The following HS6ST2 variants were observed in gnomAD, a reference collection of about 807,000 sequenced individuals.
The protein encoded by HS6ST2 is heparan-sulfate 6-O-sulfotransferase 2.
In HS6ST2, 17 loss-of-function variants were observed where a neutral mutation model predicts 33.0. The observed-to-expected ratio is 0.52, with a 90% CI of 0.35 to 0.77. The LOEUF is 0.77. Ranked by LOEUF, HS6ST2 falls within the 30% of genes least tolerant of loss-of-function variation. The pLI is 0.01. For missense variants in HS6ST2, 519 were observed against 551.7 expected, an observed-to-expected ratio of 0.94 and a Z score of 0.59; for synonymous variants, 248 against 237.1, an observed-to-expected ratio of 1.05 and a Z score of -0.42.
At chrX:132,944,512 T>C (rs1449778158) in intron 2 of HS6ST2, among the ~76,000 whole-genome samples, 1 of 111,779 alleles carries the variant, frequency 8.9e-6, no homozygotes, top group Non-Finnish European at 1.9e-5. Context: ...ACTTTAAAGT[T>C]CATATGGAAC....
chrX:132,680,900 T>G lies in HS6ST2; in HGVS notation c.981-11701A>C, dbSNP rs191393196. ...TGTATTCCCAGCTACTTGGGAAGGC[T>G]GAGGCAGGATAATCACTTAAACCTG... On this transcript the variant is annotated intron_variant, in intron 3 of 4. Transcript: ENST00000370833. Among the ~76,000 whole-genome samples, 8 of 110,144 alleles carry G rather than the reference T, an allele frequency of 7.3e-5. No homozygotes were observed. The Admixed American group carries it at 7.8e-4, about 11-fold the overall frequency.
intron 2 of HS6ST2, among the ~76,000 whole-genome samples, chrX:132,834,425 G>A (rs760923658): frequency 9.0e-6 from 1 of 111,401 alleles, no homozygotes; most frequent in African/African-American, 3.3e-5. Flanking sequence ...TTGTTATTCC[G>A]CGGCTTAAAG....
At chrX:132,912,998 T>C (rs981052376) in intron 2 of HS6ST2, among the ~76,000 whole-genome samples, 1 of 111,129 alleles carries the variant, frequency 9.0e-6, no homozygotes, top group African/African-American at 3.3e-5. Flanking sequence ...TTAGCCTTTT[T>C]TGAATACTCA....
chrX:132,726,735 A>T (rs2064395613), intron 2 of HS6ST2, among the ~76,000 whole-genome samples: 2 of 111,704 alleles, frequency 1.8e-5, no homozygotes, highest in Admixed American at 1.9e-4. Context: ...TATTCTGGAC[A>T]TTTCAAATAA....
intron 3 of HS6ST2, among the ~76,000 whole-genome samples, chrX:132,676,150 C>T (rs1484868925): frequency 8.9e-6 from 1 of 112,216 alleles, no homozygotes; most frequent in Non-Finnish European, 1.9e-5. Flanking sequence ...TTCTGCCAGT[C>T]GTACTTCTTA....
chrX:132,769,311 G>A (rs1312206768), intron 2 of HS6ST2, among the ~76,000 whole-genome samples: 1 of 112,204 alleles, frequency 8.9e-6, no homozygotes, highest in Non-Finnish European at 1.9e-5. Flanking sequence ...TTCTGCAAAG[G>A]TTTTATTTCA....
At chrX:132,731,623 G>A (rs923607578) in intron 2 of HS6ST2, among the ~76,000 whole-genome samples, 2 of 111,606 alleles carry the variant, frequency 1.8e-5, no homozygotes, top group East Asian at 2.8e-4. Context: ...CAAGGTGGGC[G>A]GATCACGAGG....
intron 4 of HS6ST2, among the ~76,000 whole-genome samples, chrX:132,660,576 A>G (rs780777668): frequency 9.0e-6 from 1 of 111,477 alleles, no homozygotes; most frequent in South Asian, 3.9e-4. Flanking sequence ...CCTCCCCATG[A>G]ATAGGATCTA....
intron 2 of HS6ST2, among the ~76,000 whole-genome samples, chrX:132,889,563 T>C (rs1158400019): frequency 1.8e-5 from 2 of 111,396 alleles, no homozygotes; most frequent in Non-Finnish European, 3.8e-5. Flanking sequence ...ATGAATGTAG[T>C]CAGAGGTTGA....
chrX:132,778,566 A>ATT (rs750381549), intron 2 of HS6ST2, among the ~76,000 whole-genome samples: 4,576 of 102,246 alleles, frequency 0.045, 193 homozygotes, highest in African/African-American at 0.13. Context: ...CACCCAGCTA[A>ATT]TTTTTTTTTT....
intron 2 of HS6ST2, among the ~76,000 whole-genome samples, chrX:132,911,738 C>T (rs1000839531): frequency 1.9e-5 from 2 of 106,600 alleles, no homozygotes; most frequent in Admixed American, 1.0e-4. Flanking sequence ...CCCAGGTTCA[C>T]GCCATTCTCC....
chrX:132,908,168 T>A (rs1376514721), intron 2 of HS6ST2, among the ~76,000 whole-genome samples: 1 of 112,406 alleles, frequency 8.9e-6, no homozygotes, highest in Non-Finnish European at 1.9e-5. Flanking sequence ...AGATGATCAA[T>A]ATAATTAATC....
intron 2 of HS6ST2, among the ~76,000 whole-genome samples, chrX:132,745,759 T>A (rs971267595): frequency 4.5e-5 from 5 of 112,001 alleles, no homozygotes; most frequent in Admixed American, 9.5e-5. Flanking sequence ...TCTACTTAGA[T>A]CAGTGGTTCT....
intron 2 of HS6ST2, among the ~76,000 whole-genome samples, chrX:132,945,144 A>C (rs1240851627): frequency 8.9e-6 from 1 of 112,312 alleles, no homozygotes; most frequent in Non-Finnish European, 1.9e-5. Context: ...CAAAGAACTC[A>C]AACAGATTTA....
intron 2 of HS6ST2, among the ~76,000 whole-genome samples, chrX:132,910,186 G>A (rs2066519384): frequency 8.9e-6 from 1 of 111,907 alleles, no homozygotes; most frequent in Non-Finnish European, 1.9e-5. Flanking sequence ...AAAACTGGTT[G>A]CCATGAATCT....
intron 2 of HS6ST2, among the ~76,000 whole-genome samples, chrX:132,787,202 CATATATATATACACATATATATAT>C (rs1569490925): frequency 3.0e-5 from 2 of 66,683 alleles, no homozygotes; most frequent in African/African-American, 1.3e-4. Flanking sequence ...TATATATACA[CATATATATATACACATATATATAT>C]ACACATATAT....
At chrX:132,813,279 T>C (rs2065366492) in intron 2 of HS6ST2, among the ~76,000 whole-genome samples, 1 of 112,014 alleles carries the variant, frequency 8.9e-6, no homozygotes, top group African/African-American at 3.2e-5. Flanking sequence ...CTTAGCAATG[T>C]TGACCTCCGT....
At chrX:132,703,944 G>T (rs1317038490) in intron 3 of HS6ST2, among the ~76,000 whole-genome samples, 1 of 111,646 alleles carries the variant, frequency 9.0e-6, no homozygotes, top group African/African-American at 3.3e-5. Flanking sequence ...AAAAAAAAAT[G>T]TATTAGACAC....
Position 132,956,984 on chromosome X carries a change from C to T in HS6ST2, c.771G>A (p.Glu257=). 1 of 1,211,373 alleles carries T rather than the reference C, an allele frequency of 8.3e-7. No individual in the cohort carries two copies. The highest frequency in any genetic ancestry group is 1.1e-6 in the Non-Finnish European group (1 of 895,146). Residue 257 remains glutamate, a synonymous_variant, in exon 2 of 5, where the codon GAG becomes GAA. Coordinates refer to ENST00000370833, the MANE Select transcript of HS6ST2 (RefSeq NM_001394073.1). ...TGCATTTCTTCTGACCCACGCGGCA[C>T]TCGCACGGCTGCTCCAGCTGGATGT... The part of the protein sequence containing the change: ...VRNIQLEQPC[E]CRVGQKKCTC...
Sources: allele counts gnomAD v4.1 joint callset (sites outside exome capture counted in the v4.1 genomes callset), GRCh38; gene constraint gnomAD v4.1.1; transcripts MANE v1.5; gene names NCBI Gene and HGNC (gene_info 2026-07-23, HGNC 2026-07-21).